Variants in WSCD2 observed in about 807,000 individuals in gnomAD.
The protein encoded by WSCD2 is WSC domain sialate O sulfotransferase 2.
Under a neutral mutation model 55.7 loss-of-function variants are expected in WSCD2, and 28 were observed. That is an observed-to-expected ratio of 0.50 (90% CI 0.37 to 0.69). WSCD2 has a LOEUF of 0.69. Among genes scored for constraint, WSCD2 ranks in the 30% least tolerant of loss-of-function variants. The probability of loss-of-function intolerance (pLI) is 0.00; values close to 1 mark genes in which losing one functional copy is unlikely to be tolerated. For synonymous variants in WSCD2, 301 were observed against 301.9 expected (o/e 1.00, Z 0.03); for missense variants, 616 against 762.1 (o/e 0.81, Z 2.26).
chr12:108,203,986 C>T (rs146285102), intron 2 of WSCD2, among the ~76,000 whole-genome samples: 12 of 152,160 alleles, frequency 7.9e-5, no homozygotes, highest in Non-Finnish European at 1.3e-4. Context: ...AGAGGAAAAG[C>T]GGAAGTAACA....
At chr12:108,164,630 G>T (rs913463173) in intron 1 of WSCD2, among the ~76,000 whole-genome samples, 5 of 152,138 alleles carry the variant, frequency 3.3e-5, no homozygotes, top group Non-Finnish European at 7.4e-5. Flanking sequence ...ATTTCTTGTA[G>T]GTGTATACCC....
intron 1 of WSCD2, among the ~76,000 whole-genome samples, chr12:108,159,864 C>G (rs962935439): frequency 1.3e-5 from 2 of 152,196 alleles, no homozygotes; most frequent in African/African-American, 4.8e-5. Context: ...CAATCTGCCC[C>G]TGGCAGACAA....
chr12:108,182,466 CTCAA>C (rs1265596415), intron 1 of WSCD2, among the ~76,000 whole-genome samples: 1 of 152,200 alleles, frequency 6.6e-6, no homozygotes, highest in African/African-American at 2.4e-5. Flanking sequence ...TGAGACAGGT[CTCAA>C]TCAGTTTAGA....
At chr12:108,242,529 G>A (rs1035304260) in intron 8 of WSCD2, among the ~76,000 whole-genome samples, 11 of 152,266 alleles carry the variant, frequency 7.2e-5, no homozygotes, top group African/African-American at 2.2e-4. Context: ...TGCTCCTTAC[G>A]GTCCCTAGAG....
At chr12:108,166,202 C>G (rs1879578816) in intron 1 of WSCD2, among the ~76,000 whole-genome samples, 1 of 152,198 alleles carries the variant, frequency 6.6e-6, no homozygotes, top group Admixed American at 6.5e-5. Context: ...GTGACTTCAT[C>G]TCTTTGAGCC....
At chr12:108,240,760 CT>C (rs940751850) in intron 8 of WSCD2, among the ~76,000 whole-genome samples, 2 of 152,208 alleles carry the variant, frequency 1.3e-5, no homozygotes, top group African/African-American at 4.8e-5. Context: ...CAAGCAGCAC[CT>C]TCTGTGAGCC....
intron 1 of WSCD2, among the ~76,000 whole-genome samples, chr12:108,165,045 G>A (rs573830520): frequency 4.6e-5 from 7 of 152,336 alleles, no homozygotes; most frequent in African/African-American, 1.7e-4. Flanking sequence ...CTGGCAAGGA[G>A]ACAGAAGTCA....
intron 4 of WSCD2, among the ~76,000 whole-genome samples, chr12:108,223,958 T>A (rs939171030): frequency 5.9e-5 from 9 of 152,178 alleles, no homozygotes; most frequent in Non-Finnish European, 1.3e-4. Context: ...CTCACTTAGT[T>A]CTGTCTGGTC....
chr12:108,139,266 G>C (rs1281142253), intron 1 of WSCD2, among the ~76,000 whole-genome samples: 1 of 152,156 alleles, frequency 6.6e-6, no homozygotes, highest in Non-Finnish European at 1.5e-5. Flanking sequence ...TTAATTGGGG[G>C]AAACATACTT....
chr12:108,172,746 G>A (rs7971984), intron 1 of WSCD2, among the ~76,000 whole-genome samples: 3,064 of 152,246 alleles, frequency 0.02, 96 homozygotes, highest in African/African-American at 0.069. Context: ...CCACCACCTC[G>A]ATTTTGGACT....
intron 1 of WSCD2, among the ~76,000 whole-genome samples, chr12:108,139,398 G>C (rs1876550610): frequency 6.6e-6 from 1 of 152,172 alleles, no homozygotes; most frequent in African/African-American, 2.4e-5. Context: ...ACTTGGAACA[G>C]ACCCAATGCC....
At chr12:108,161,845 AGTT>A (rs2136941451) in intron 1 of WSCD2, among the ~76,000 whole-genome samples, 1 of 152,306 alleles carries the variant, frequency 6.6e-6, no homozygotes, top group East Asian at 1.9e-4. Flanking sequence ...GATGTGGGTG[AGTT>A]GCTTTCCCAC....
chr12:108,137,590 G>A (rs1876353682), intron 1 of WSCD2, among the ~76,000 whole-genome samples: 1 of 152,214 alleles, frequency 6.6e-6, no homozygotes, highest in Admixed American at 6.5e-5. Flanking sequence ...AAGAATGACA[G>A]CTTGGGGGAA....
intron 5 of WSCD2, 51 bp downstream of exon 5, chr12:108,224,911 A>C: frequency 6.3e-7 from 1 of 1,588,386 alleles, no homozygotes; most frequent in Non-Finnish European, 8.5e-7. Flanking sequence ...ACCATGCAGC[A>C]GAGCTGCAGG....
At chr12:108,159,694 G>C (rs1022686387) in intron 1 of WSCD2, among the ~76,000 whole-genome samples, 3 of 152,232 alleles carry the variant, frequency 2.0e-5, no homozygotes, top group African/African-American at 4.8e-5. Flanking sequence ...TCTTATTCTT[G>C]CTCTTGGACT....
intron 4 of WSCD2, among the ~76,000 whole-genome samples, chr12:108,211,110 T>C (rs1886088065): frequency 6.6e-6 from 1 of 152,242 alleles, no homozygotes; most frequent in Non-Finnish European, 1.5e-5. Context: ...TTACCTTCCC[T>C]ACAGCCTTTT....
chr12:108,236,466 T>G (rs1477703297), intron 7 of WSCD2, among the ~76,000 whole-genome samples: 1 of 152,200 alleles, frequency 6.6e-6, no homozygotes, highest in African/African-American at 2.4e-5. Flanking sequence ...CAAATGTCTG[T>G]CCCACTTGGG....
intron 4 of WSCD2, among the ~76,000 whole-genome samples, chr12:108,220,262 G>A (rs921947204): frequency 3.9e-5 from 6 of 152,256 alleles, no homozygotes; most frequent in Non-Finnish European, 5.9e-5. Context: ...GGTTAGGAGG[G>A]TTCCATTGGA....
At chr12:108,208,396 G>A (rs1593028764) in intron 3 of WSCD2, among the ~76,000 whole-genome samples, 2 of 152,308 alleles carry the variant, frequency 1.3e-5, no homozygotes, top group East Asian at 1.9e-4. Flanking sequence ...GAGACATCAA[G>A]TATAATGGGT....
Sources: gnomAD v4.1 joint callset for allele counts (sites outside exome capture counted in the v4.1 genomes callset) on GRCh38, gnomAD v4.1.1 for gene constraint, MANE v1.5 for transcripts, NCBI Gene and HGNC (gene_info 2026-07-23, HGNC 2026-07-21) for gene names.